Variants in HIGD1C observed in about 807,000 individuals in gnomAD.
HIGD1C encodes the protein HIG1 domain family member 1C.
In HIGD1C, 11 loss-of-function variants were observed where a neutral mutation model predicts 13.1. That is an observed-to-expected ratio of 0.84 (90% CI 0.53 to 1.39). The LOEUF (loss-of-function observed/expected upper bound fraction) is 1.39, where lower values mean the gene tolerates loss of function less well. Among genes scored for constraint, HIGD1C ranks in the 40% most tolerant of loss-of-function variants. The probability of loss-of-function intolerance (pLI) is 0.00; values close to 1 mark genes in which losing one functional copy is unlikely to be tolerated. For missense variants in HIGD1C, 110 were observed against 112.0 expected (o/e 0.98, Z 0.08); for synonymous variants, 36 against 37.7 (o/e 0.95, Z 0.17).
At chr12:50,946,616 C>T in the HIGD1C span, among the ~76,000 whole-genome samples, 1 of 152,144 alleles carries the variant, frequency 6.6e-6, no homozygotes, top group African/African-American at 2.4e-5. Flanking sequence ...AATAGGAACA[C>T]TTTTACACTG....
the HIGD1C span, among the ~76,000 whole-genome samples, chr12:50,941,040 C>T: frequency 2.6e-5 from 4 of 151,866 alleles, no homozygotes; most frequent in African/African-American, 9.7e-5. Flanking sequence ...TATTTTTTTA[C>T]AAAAAACCGA....
intron 2 of HIGD1C, among the ~76,000 whole-genome samples, chr12:50,969,258 C>T (rs1327041403): frequency 2.0e-5 from 3 of 151,734 alleles, no homozygotes; most frequent in East Asian, 3.9e-4. Context: ...CACCCCACTG[C>T]ACTCCAGCCT....
At chr12:50,959,321 T>C (rs1407936832) in intron 1 of HIGD1C, among the ~76,000 whole-genome samples, 4 of 151,988 alleles carry the variant, frequency 2.6e-5, no homozygotes, top group Non-Finnish European at 5.9e-5. Context: ...GGTTTCTCCA[T>C]GTTGGTCAGG....
the HIGD1C span, among the ~76,000 whole-genome samples, chr12:50,948,662 G>A: frequency 6.6e-6 from 1 of 150,608 alleles, no homozygotes; most frequent in South Asian, 2.1e-4. Flanking sequence ...GAGGTCAAGA[G>A]ATTGAGACCA....
the HIGD1C span, among the ~76,000 whole-genome samples, chr12:50,936,829 C>T: frequency 6.6e-6 from 1 of 152,230 alleles, no homozygotes; most frequent in African/African-American, 2.4e-5. Flanking sequence ...CACAGCAAAA[C>T]CAGAATACAC....
chr12:50,934,782 C>T, the HIGD1C span, among the ~76,000 whole-genome samples: 4 of 152,164 alleles, frequency 2.6e-5, no homozygotes, highest in South Asian at 8.3e-4. Flanking sequence ...AGAAACCAGA[C>T]AGGGCTGGGC....
intron 1 of HIGD1C, among the ~76,000 whole-genome samples, chr12:50,958,755 G>A (rs1400297632): frequency 2.7e-5 from 4 of 150,684 alleles, no homozygotes; most frequent in African/African-American, 9.7e-5. Context: ...AGTGGCTTAC[G>A]CCTGTAATCC....
chr12:50,968,189 G>T (rs1261576516), intron 2 of HIGD1C, among the ~76,000 whole-genome samples: 2 of 152,160 alleles, frequency 1.3e-5, no homozygotes, highest in Admixed American at 1.3e-4. Context: ...CATTTTTGGA[G>T]TTGGCTAAAC....
At chr12:50,961,437 T>A (rs2139808496) in intron 2 of HIGD1C, among the ~76,000 whole-genome samples, 1 of 152,250 alleles carries the variant, frequency 6.6e-6, no homozygotes, top group African/African-American at 2.4e-5. Context: ...GTGATCCCCA[T>A]CTCATGGCTA....
Position 50,958,199 on chromosome 12 carries a change from C to T in HIGD1C, c.95-2769C>T, listed in dbSNP as rs1046679247. ...GCTTAATGTAATTCCTGTCAAAACC[C>T]CAGCAAGGTTTTTGGTAGACATAGA... On this transcript the variant is annotated intron_variant, in intron 1 of 2. Transcript: ENST00000398455. Among the ~76,000 whole-genome samples, 6 of 152,006 alleles carry T rather than the reference C, an allele frequency of 3.9e-5. No individual in the cohort carries two copies. The East Asian group carries it at 1.2e-3, about 29-fold the overall frequency.
intron 1 of HIGD1C, among the ~76,000 whole-genome samples, chr12:50,955,414 TTA>T: frequency 6.6e-6 from 1 of 152,334 alleles, no homozygotes; most frequent in Non-Finnish European, 1.5e-5. Flanking sequence ...AGCACCAATA[TTA>T]TGTTTTGAAG....
chr12:50,963,186 A>G (rs914747818), intron 2 of HIGD1C, among the ~76,000 whole-genome samples: 33 of 151,920 alleles, frequency 2.2e-4, no homozygotes, highest in Non-Finnish European at 4.3e-4. Flanking sequence ...CCTGGTCAAC[A>G]TGGTGAAACC....
chr12:50,947,317 G>A, the HIGD1C span, among the ~76,000 whole-genome samples: 5 of 152,132 alleles, frequency 3.3e-5, no homozygotes, highest in Admixed American at 2.0e-4. Flanking sequence ...AGTCCAAAAC[G>A]GGTCTCACTA....
chr12:50,934,794 C>T, the HIGD1C span: 1 of 152,192 alleles, frequency 6.6e-6, no homozygotes, highest in Admixed American at 6.5e-5. Context: ...GGGCTGGGCA[C>T]CAGAGCCTCA....
At chr12:50,958,834 T>C (rs1939213733) in intron 1 of HIGD1C, among the ~76,000 whole-genome samples, 1 of 151,374 alleles carries the variant, frequency 6.6e-6, no homozygotes, top group East Asian at 2.1e-4. Context: ...CTGGCCAACA[T>C]AGCGAGACAT....
chr12:50,937,550 A>C, the HIGD1C span, among the ~76,000 whole-genome samples: 1 of 152,032 alleles, frequency 6.6e-6, no homozygotes, highest in African/African-American at 2.4e-5. Context: ...AGGGTTGCAG[A>C]AGGGTGGTGT....
chr12:50,967,426 C>T (rs1939582353), intron 2 of HIGD1C, among the ~76,000 whole-genome samples: 1 of 152,172 alleles, frequency 6.6e-6, no homozygotes, highest in South Asian at 2.1e-4. Context: ...GGATTACGGG[C>T]ATGAGCTACC....
At chr12:50,944,267 A>G in the HIGD1C span, among the ~76,000 whole-genome samples, 10 of 152,170 alleles carry the variant, frequency 6.6e-5, no homozygotes, top group Admixed American at 6.5e-5. Flanking sequence ...CTCATTTTGT[A>G]TCTTCACTGT....
chr12:50,940,065 T>C, the HIGD1C span: 4 of 152,094 alleles, frequency 2.6e-5, no homozygotes, highest in Non-Finnish European at 5.9e-5. Context: ...TTCTGAAGAT[T>C]TGGTATATTT....
Sources: allele counts gnomAD v4.1 joint callset (sites outside exome capture counted in the v4.1 genomes callset), GRCh38; gene constraint gnomAD v4.1.1; transcripts MANE v1.5; gene names NCBI Gene and HGNC (gene_info 2026-07-23, HGNC 2026-07-21).